CTNNA2: variants seen among roughly 807,000 people sequenced by gnomAD.
The protein encoded by CTNNA2 is catenin alpha 2.
A neutral mutation model predicts 101.0 loss-of-function variants in CTNNA2; 42 were observed. The observed-to-expected ratio is 0.42, with a 90% CI of 0.32 to 0.54. The LOEUF (loss-of-function observed/expected upper bound fraction) is 0.54. Among genes scored for constraint, CTNNA2 ranks in the 20% least tolerant of loss-of-function variants. The pLI, the probability that CTNNA2 is intolerant of heterozygous loss-of-function variation, is 0.14. For missense variants in CTNNA2, 871 were observed against 1,223.1 expected (o/e 0.71, Z 4.29); for synonymous variants, 450 against 456.4 (o/e 0.99, Z 0.18).
At chr2:79,734,205 T>C (rs905392771) in intron 2 of CTNNA2, among the ~76,000 whole-genome samples, 1 of 152,166 alleles carries the variant, frequency 6.6e-6, no homozygotes, top group Admixed American at 6.5e-5. Context: ...TAAGCAATTG[T>C]TTCTTCAGTG....
At chr2:79,422,902 G>A (rs1038505010) in intron 4 of CTNNA2, among the ~76,000 whole-genome samples, 24 of 152,144 alleles carry the variant, frequency 1.6e-4, no homozygotes, top group Admixed American at 1.5e-3. Flanking sequence ...TTTATGAGGA[G>A]GGAACTGAGA....
intron 9 of CTNNA2, among the ~76,000 whole-genome samples, chr2:80,522,661 C>T (rs1028663006): frequency 6.6e-6 from 1 of 151,952 alleles, no homozygotes; most frequent in African/African-American, 2.4e-5. Flanking sequence ...GTACCATCCC[C>T]TTAGTGCTGC....
At chr2:79,949,564 T>C (rs1688736972) in intron 7 of CTNNA2, among the ~76,000 whole-genome samples, 1 of 152,114 alleles carries the variant, frequency 6.6e-6, no homozygotes, top group African/African-American at 2.4e-5. Context: ...GCCCAGGGGT[T>C]TGACATCAGC....
chr2:79,752,594 G>A (rs921612783), intron 3 of CTNNA2, among the ~76,000 whole-genome samples: 1 of 152,162 alleles, frequency 6.6e-6, no homozygotes, highest in African/African-American at 2.4e-5. Context: ...AATACATATT[G>A]AAGGTATTTC....
intron 2 of CTNNA2, among the ~76,000 whole-genome samples, chr2:79,676,315 C>G (rs548229699): frequency 6.6e-6 from 1 of 152,112 alleles, no homozygotes; most frequent in South Asian, 2.1e-4. Context: ...AGCATTAGAC[C>G]TAAGCCAGGG....
intron 7 of CTNNA2, among the ~76,000 whole-genome samples, chr2:80,208,883 C>G (rs778850766): frequency 1.3e-5 from 2 of 152,122 alleles, no homozygotes; most frequent in African/African-American, 2.4e-5. Flanking sequence ...TACCTAGGAG[C>G]ATTTACACTG....
intron 2 of CTNNA2, among the ~76,000 whole-genome samples, chr2:79,704,363 A>G (rs1013033299): frequency 6.6e-6 from 1 of 152,152 alleles, no homozygotes; most frequent in African/African-American, 2.4e-5. Flanking sequence ...TTTTGACTTT[A>G]CAGTCTTTTA....
chr2:80,587,285 C>A (rs767361033), intron 14 of CTNNA2, among the ~76,000 whole-genome samples: 1 of 152,116 alleles, frequency 6.6e-6, no homozygotes. Flanking sequence ...CATAAGGAAT[C>A]ATAACAATCT....
Position 80,328,236 on chromosome 2 carries a change from A to C in CTNNA2, c.1057-64975A>C, listed in dbSNP as rs190273831. The C allele has an allele frequency of 1.9e-5, 9 of 468,870 alleles. 1 individual carries two copies. Among genetic ancestry groups the C allele is most frequent in the Admixed American group, 1.4e-4 (6 of 42,500 alleles). 29.0% of individuals were successfully genotyped at this position (468,870 alleles called of 1,614,324 possible). A position where few individuals can be genotyped will look rare whatever the true frequency, so the allele number is the denominator to read the frequency against. On this transcript the variant is annotated intron_variant, in intron 7 of 18. Transcript: ENST00000402739. ...GGTTTTGTCATTATCTGTCTTTGTC[A>C]GGGAAGCATGATCAGTTCCTCATTA... is the stretch of plus-strand genomic sequence containing the variant.
intron 7 of CTNNA2, among the ~76,000 whole-genome samples, chr2:80,024,775 C>T (rs965999917): frequency 6.6e-6 from 1 of 152,160 alleles, no homozygotes; most frequent in Non-Finnish European, 1.5e-5. Flanking sequence ...CTTTAGCATT[C>T]GATGTCCATG....
intron 2 of CTNNA2, among the ~76,000 whole-genome samples, chr2:79,210,207 A>T (rs1024545689): frequency 1.3e-5 from 2 of 152,034 alleles, no homozygotes; most frequent in Non-Finnish European, 2.9e-5. Context: ...TTGCACATTC[A>T]TTAGGTGCCC....
At chr2:80,282,558 G>A (rs555542484) in intron 7 of CTNNA2, among the ~76,000 whole-genome samples, 8 of 152,168 alleles carry the variant, frequency 5.3e-5, no homozygotes, top group Admixed American at 4.6e-4. Flanking sequence ...TCAACCATGG[G>A]CAATCTTACT....
intron 7 of CTNNA2, among the ~76,000 whole-genome samples, chr2:80,066,980 C>A (rs1196904658): frequency 6.6e-6 from 1 of 151,876 alleles, no homozygotes; most frequent in Non-Finnish European, 1.5e-5. Context: ...GTGAAATAAG[C>A]CAGGCATAGA....
At position 80,182,463 on chromosome 2, in the gene CTNNA2, T is replaced by C. The variant is rs530905367; in HGVS notation, c.1057-210748T>C. ...TTTGGCAATACCCTCACAGACACAC[T>C]GAGGAACAATACTTTGCCTCCTTCA... On this transcript the variant is annotated intron_variant, in intron 7 of 18. Coordinates refer to ENST00000402739, the MANE Select transcript of CTNNA2 (RefSeq NM_001282597.3). Among the ~76,000 whole-genome samples the C allele has an allele frequency of 2.3e-3, 357 of 152,294 alleles. 3 individuals carry two copies. The highest frequency in any genetic ancestry group is 7.9e-3 in the African/African-American group (330 of 41,560).
At chr2:80,143,278 T>C (rs1316500020) in intron 7 of CTNNA2, among the ~76,000 whole-genome samples, 1 of 152,198 alleles carries the variant, frequency 6.6e-6, no homozygotes, top group East Asian at 1.9e-4. Flanking sequence ...ATGACTTCTA[T>C]GTATTTTTTT....
chr2:79,422,447 A>G (rs993822076), intron 4 of CTNNA2, among the ~76,000 whole-genome samples: 1 of 152,172 alleles, frequency 6.6e-6, no homozygotes, highest in Admixed American at 6.5e-5. Context: ...GCACTCCACA[A>G]AAATCTTATC....
At chr2:80,393,930 T>C (rs1394720985) in intron 8 of CTNNA2, among the ~76,000 whole-genome samples, 3 of 152,206 alleles carry the variant, frequency 2.0e-5, no homozygotes, top group Non-Finnish European at 4.4e-5. Context: ...AGAACCCTGA[T>C]TTTATATGTG....
Position 79,368,954 on chromosome 2 carries a change from G to A in CTNNA2, c.-317-4877G>A, listed in dbSNP as rs186223817. ...CCTAAAAGGCCTGGATGATGCTGCC[G>A]CTTGAAGAAGAAAATCTTTCTCCTG... is the stretch of plus-strand genomic sequence containing the variant. On this transcript the variant is annotated intron_variant, in intron 3 of 21. Coordinates refer to the CTNNA2 transcript ENST00000466387. 3.3e-5 allele frequency among the ~76,000 whole-genome samples: 5 copies of A among 152,258 alleles called. No homozygotes were observed. The East Asian group carries it at 5.8e-4, about 18-fold the overall frequency.
chr2:80,194,047 C>G (rs148267151), intron 7 of CTNNA2, among the ~76,000 whole-genome samples: 2 of 152,244 alleles, frequency 1.3e-5, no homozygotes, highest in South Asian at 2.1e-4. Flanking sequence ...ATAAATGCAG[C>G]TTGGCATTTA....
Sources: gnomAD v4.1 joint callset for allele counts (sites outside exome capture counted in the v4.1 genomes callset) on GRCh38, gnomAD v4.1.1 for gene constraint, MANE v1.5 for transcripts, NCBI Gene and HGNC (gene_info 2026-07-23, HGNC 2026-07-21) for gene names.